PLEKHA7: variants seen among roughly 807,000 people sequenced by gnomAD.
PLEKHA7 encodes the protein pleckstrin homology domain containing A7, also known as pleckstrin homology domain-containing family A member 7.
A neutral mutation model predicts 170.0 loss-of-function variants in PLEKHA7; 104 were observed. The ratio of observed to expected loss-of-function variants is 0.61; its 90% CI spans 0.52 to 0.72. PLEKHA7 has a LOEUF of 0.72. PLEKHA7 is among the 30% of genes least tolerant of loss of function. The pLI is 0.00. For missense variants in PLEKHA7, 1,615 were observed against 1,671.7 expected, an observed-to-expected ratio of 0.97 and a Z score of 0.59; for synonymous variants, 648 against 660.8, an observed-to-expected ratio of 0.98 and a Z score of 0.30.
chr11:16,991,929 G>A (rs1457222955), intron 3 of PLEKHA7, among the ~76,000 whole-genome samples: 3 of 152,302 alleles, frequency 2.0e-5, no homozygotes, highest in Non-Finnish European at 4.4e-5. Flanking sequence ...CATGAGAATG[G>A]TCTGATTCTG....
intron 3 of PLEKHA7, among the ~76,000 whole-genome samples, chr11:17,002,876 C>T (rs534743180): frequency 1.3e-5 from 2 of 152,090 alleles, no homozygotes; most frequent in Non-Finnish European, 2.9e-5. Flanking sequence ...CTGTCATCCA[C>T]TCCTTCCCCC....
chr11:16,887,694 T>C (rs778942317), intron 3 of PLEKHA7, among the ~76,000 whole-genome samples: 7 of 152,216 alleles, frequency 4.6e-5, no homozygotes, highest in Non-Finnish European at 7.3e-5. Flanking sequence ...GTTCACTCAA[T>C]GCTCAATGTT....
chr11:16,897,446 T>C (rs10766357), intron 3 of PLEKHA7, among the ~76,000 whole-genome samples: 47,552 of 152,064 alleles, frequency 0.31, 8,790 homozygotes, highest in East Asian at 0.63. Context: ...AAGAGCCTAC[T>C]CTTACTGTCA....
chr11:16,935,333 T>G (rs960657493), intron 3 of PLEKHA7, among the ~76,000 whole-genome samples: 7 of 152,176 alleles, frequency 4.6e-5, no homozygotes, highest in African/African-American at 1.7e-4. Flanking sequence ...CTCGGGAGGT[T>G]GAGGCAGAAG....
At chr11:16,845,270 C>A (rs1310107225) in intron 8 of PLEKHA7, among the ~76,000 whole-genome samples, 1 of 152,210 alleles carries the variant, frequency 6.6e-6, no homozygotes, top group African/African-American at 2.4e-5. Flanking sequence ...TTGGCAGGGC[C>A]AGACCACCAG....
chr11:16,994,529 T>C (rs1053016791), intron 3 of PLEKHA7, among the ~76,000 whole-genome samples: 2 of 152,120 alleles, frequency 1.3e-5, no homozygotes, highest in Non-Finnish European at 2.9e-5. Flanking sequence ...GGCTGGAGTC[T>C]GAGTGAACAC....
chr11:16,855,034 AGGTG>A (rs1414321047), intron 5 of PLEKHA7, 41 bp from the exon 6 acceptor site: 1 of 1,575,008 alleles, frequency 6.3e-7, no homozygotes, highest in Admixed American at 1.7e-5. Flanking sequence ...AGGGAATTTA[AGGTG>A]ACACAAAAAA....
At chr11:16,811,903 C>T (rs1483075650) in intron 13 of PLEKHA7, among the ~76,000 whole-genome samples, 1 of 152,204 alleles carries the variant, frequency 6.6e-6, no homozygotes, top group African/African-American at 2.4e-5. Flanking sequence ...CAACCAGCCC[C>T]AGCACCCCTG....
At chr11:16,845,784 C>T (rs530603088) in intron 8 of PLEKHA7, among the ~76,000 whole-genome samples, 72 of 152,208 alleles carry the variant, frequency 4.7e-4, no homozygotes, top group African/African-American at 1.6e-3. Flanking sequence ...GGGGATGGGT[C>T]AGGAGGCTAC....
intron 3 of PLEKHA7, among the ~76,000 whole-genome samples, chr11:16,911,892 C>T (rs930710068): frequency 2.0e-5 from 3 of 152,080 alleles, no homozygotes; most frequent in African/African-American, 2.4e-5. Context: ...ATCCTCATCC[C>T]GTCCACGGCA....
chr11:16,885,760 G>A (rs898732879), intron 3 of PLEKHA7, among the ~76,000 whole-genome samples: 4 of 151,772 alleles, frequency 2.6e-5, no homozygotes, highest in African/African-American at 4.8e-5. Context: ...TTGGGAGGCC[G>A]AGGCGGGCGG....
intron 23 of PLEKHA7, chr11:16,786,824 G>T (rs1849429815): frequency 1.0e-6 from 1 of 985,366 alleles, no homozygotes; most frequent in Non-Finnish European, 1.2e-6. Flanking sequence ...TAAGCAAGAA[G>T]AATAACCAAG....
At chr11:16,853,742 G>A (rs1408803212) in intron 6 of PLEKHA7, among the ~76,000 whole-genome samples, 2 of 152,206 alleles carry the variant, frequency 1.3e-5, no homozygotes, top group Non-Finnish European at 2.9e-5. Context: ...GAAAAGAGAG[G>A]GACGACAGGG....
chr11:16,866,122 C>A (rs1854372959), intron 4 of PLEKHA7, among the ~76,000 whole-genome samples: 1 of 151,576 alleles, frequency 6.6e-6, no homozygotes, highest in South Asian at 2.1e-4. Flanking sequence ...AGCCACTGCA[C>A]CCAGCCCAAA....
At chr11:16,877,712 A>G (rs1012442929) in intron 3 of PLEKHA7, among the ~76,000 whole-genome samples, 12 of 152,194 alleles carry the variant, frequency 7.9e-5, no homozygotes, top group African/African-American at 2.9e-4. Context: ...TCAACATAAC[A>G]CTAATCAGCT....
intron 3 of PLEKHA7, among the ~76,000 whole-genome samples, chr11:16,895,192 A>G (rs1354417004): frequency 6.6e-6 from 1 of 152,184 alleles, no homozygotes; most frequent in Non-Finnish European, 1.5e-5. Context: ...CTATCTTATT[A>G]GGGGCCTCCA....
intron 23 of PLEKHA7, chr11:16,786,766 C>G (rs956691937): frequency 1.0e-6 from 1 of 985,278 alleles, no homozygotes; most frequent in South Asian, 4.7e-5. Context: ...AGGAGACATA[C>G]GTCCCAGGCT....
chr11:16,839,828 T>C (rs1851811578), intron 9 of PLEKHA7, among the ~76,000 whole-genome samples: 1 of 152,108 alleles, frequency 6.6e-6, no homozygotes, highest in Admixed American at 6.6e-5. Context: ...TACCAAGGAA[T>C]GACTACATAC....
At position 16,844,799 on chromosome 11, in the gene PLEKHA7, G is replaced by A. The variant is rs1324712688; in HGVS notation, c.697-3077C>T. ...GCCCCCAACATCAGCCTTTAGAATA[G>A]AGAAACCTCAGTGGAAAATAGAGGA... On this transcript the variant is annotated intron_variant, in intron 8 of 26. Coordinates refer to ENST00000531066, the MANE Select transcript of PLEKHA7 (RefSeq NM_001329630.2). Among the ~76,000 whole-genome samples the A allele has an allele frequency of 2.0e-5, 3 of 152,316 alleles. No individual in the cohort carries two copies. The South Asian group carries it at 6.2e-4, about 32-fold the overall frequency.
Sources: allele counts gnomAD v4.1 joint callset (sites outside exome capture counted in the v4.1 genomes callset), GRCh38; gene constraint gnomAD v4.1.1; transcripts MANE v1.5; gene names NCBI Gene and HGNC (gene_info 2026-07-23, HGNC 2026-07-21).